The following HMGN5 variants were observed in gnomAD, a reference collection of about 807,000 sequenced individuals.
HMGN5 encodes the protein high mobility group nucleosome binding domain 5.
Under a neutral mutation model 9.5 loss-of-function variants are expected in HMGN5, and 4 were observed. The observed-to-expected ratio is 0.42, with a 90% confidence interval of 0.21 to 0.96. The LOEUF (loss-of-function observed/expected upper bound fraction) is 0.96. Ranked by LOEUF, HMGN5 falls within the 40% of genes least tolerant of loss-of-function variation. The pLI is 0.30. For synonymous variants in HMGN5, 55 were observed against 57.1 expected (o/e 0.96, Z 0.16); for missense variants, 192 against 187.5 (o/e 1.02, Z -0.14).
chrX:81,153,351 A>G (rs2075370533), intron 1 of HMGN5, among the ~76,000 whole-genome samples: 1 of 103,635 alleles, frequency 9.6e-6, no homozygotes, highest in East Asian at 3.2e-4. Context: ...CCAGAAGTTC[A>G]AGACCAGCCT....
Position 81,157,848 on chromosome X carries a change from C to T in HMGN5, c.-123-36176G>A, listed in dbSNP as rs900670914. ...AGGCTGGAGTGCAGTGGCGCAATCT[C>T]GGCTCACTGCAAGCTCTGCCTCCTG... On this transcript the variant is annotated intron_variant, in intron 1 of 6. Transcript: ENST00000358130. Among the ~76,000 whole-genome samples, 6 of 110,190 alleles carry T rather than the reference C, an allele frequency of 5.4e-5. No individual in the cohort carries two copies. In the East Asian group the frequency reaches 8.5e-4, roughly 16 times the overall value.
intron 1 of HMGN5, among the ~76,000 whole-genome samples, chrX:81,142,203 C>T (rs1486719899): frequency 9.0e-6 from 1 of 111,500 alleles, no homozygotes; most frequent in African/African-American, 3.3e-5. Context: ...AAAAGCACAT[C>T]CTCAGGATCT....
chrX:81,137,907 G>A (rs902425427), intron 1 of HMGN5, among the ~76,000 whole-genome samples: 3 of 111,226 alleles, frequency 2.7e-5, no homozygotes, highest in South Asian at 7.4e-4. Context: ...TAATAAGGGA[G>A]GAATATGAAT....
intron 1 of HMGN5, among the ~76,000 whole-genome samples, chrX:81,171,734 G>A (rs2075426300): frequency 9.0e-6 from 1 of 111,225 alleles, no homozygotes; most frequent in Non-Finnish European, 1.9e-5. Context: ...AGTGCTGCAT[G>A]GTTTAGCATC....
At chrX:81,147,003 T>A (rs983483561) in intron 1 of HMGN5, among the ~76,000 whole-genome samples, 1 of 111,433 alleles carries the variant, frequency 9.0e-6, no homozygotes, top group African/African-American at 3.3e-5. Flanking sequence ...GGGGCAGCAA[T>A]TCATAGCCTA....
intron 1 of HMGN5, among the ~76,000 whole-genome samples, chrX:81,162,507 A>G (rs1323049712): frequency 1.8e-5 from 2 of 110,790 alleles, no homozygotes; most frequent in East Asian, 5.7e-4. Context: ...AAAACAAGGA[A>G]CTGGCAATAT....
intron 1 of HMGN5, among the ~76,000 whole-genome samples, chrX:81,172,310 A>G (rs1051552398): frequency 9.0e-6 from 1 of 111,181 alleles, no homozygotes; most frequent in East Asian, 2.8e-4. Flanking sequence ...GAAAATTTTA[A>G]CCTAAGCTGG....
chrX:81,135,053 CT>C (rs1244494046), intron 1 of HMGN5, among the ~76,000 whole-genome samples: 2 of 111,285 alleles, frequency 1.8e-5, no homozygotes, highest in Middle Eastern at 4.7e-3. Context: ...GTCTTCATGA[CT>C]TTGAGTTAGC....
At chrX:81,129,643 T>C (rs1410123507) in intron 1 of HMGN5, among the ~76,000 whole-genome samples, 1 of 112,028 alleles carries the variant, frequency 8.9e-6, no homozygotes, top group Non-Finnish European at 1.9e-5. Context: ...TCTTTATAAA[T>C]TATATAGTTT....
chrX:81,184,566 T>TG (rs1295115221), intron 1 of HMGN5, among the ~76,000 whole-genome samples: 4 of 111,588 alleles, frequency 3.6e-5, no homozygotes, highest in African/African-American at 1.3e-4. Context: ...TGATTTTTTT[T>TG]TTTTGTTTTG....
intron 1 of HMGN5, among the ~76,000 whole-genome samples, chrX:81,163,571 A>T (rs2075403368): frequency 9.0e-6 from 1 of 111,427 alleles, no homozygotes; most frequent in Non-Finnish European, 1.9e-5. Flanking sequence ...GATATAGAAA[A>T]CTCACTACTG....
Position 81,177,823 on chromosome X carries a change from T to A in HMGN5, c.-124+23914A>T, listed in dbSNP as rs779230591. ...GACCACATAATTGGAAGAAAAACAC[T>A]CCTCAGCAAATGTAAAAGAACAGAA... On this transcript the variant is annotated intron_variant, in intron 1 of 6. Coordinates refer to ENST00000358130, the MANE Select transcript of HMGN5 (RefSeq NM_030763.3). Among the ~76,000 whole-genome samples the A allele has an allele frequency of 7.4e-4, 82 of 111,292 alleles. 1 individual carries two copies. In the Middle Eastern group the frequency reaches 0.023, roughly 31 times the overall value.
At chrX:81,173,182 C>T (rs953277866) in intron 1 of HMGN5, among the ~76,000 whole-genome samples, 3 of 110,497 alleles carry the variant, frequency 2.7e-5, no homozygotes, top group African/African-American at 9.8e-5. Context: ...GTACTACTCA[C>T]CTGTTTGAAA....
At chrX:81,183,887 G>T (rs1428179051) in intron 1 of HMGN5, among the ~76,000 whole-genome samples, 4 of 112,265 alleles carry the variant, frequency 3.6e-5, no homozygotes, top group Non-Finnish European at 5.6e-5. Flanking sequence ...TATTGCTGTT[G>T]TATCTTGGAA....
rs374386606 is a variant in HMGN5 at position 81,153,387 on chromosome X, C to T, written c.-123-31715G>A. On this transcript the variant is annotated intron_variant, in intron 1 of 6. Transcript: ENST00000358130. ...GGCCAACATGATGAAACCCTAATCT[C>T]GAATAAAAATACAAAAATTAGCTAG... Among the ~76,000 whole-genome samples, 4 of 101,243 alleles carry T rather than the reference C, an allele frequency of 4.0e-5. No individual in the cohort carries two copies. The East Asian group carries it at 9.7e-4, about 25-fold the overall frequency. 87.9% of individuals were successfully genotyped at this position (101,243 alleles called of 115,157 possible).
chrX:81,168,792 A>C (rs2075417917), intron 1 of HMGN5, among the ~76,000 whole-genome samples: 2 of 111,951 alleles, frequency 1.8e-5, no homozygotes, highest in South Asian at 7.4e-4. Context: ...TTTATTAACT[A>C]TAAATTAATT....
At chrX:81,195,361 C>T (rs1484598879) in intron 1 of HMGN5, 2 of 110,844 alleles carry the variant, frequency 1.8e-5, no homozygotes, top group East Asian at 2.9e-4. Flanking sequence ...TGTTCCTTTG[C>T]CTGCTTTTAT....
intron 1 of HMGN5, among the ~76,000 whole-genome samples, chrX:81,135,753 A>G (rs2075309472): frequency 1.8e-5 from 2 of 110,851 alleles, no homozygotes; most frequent in Admixed American, 1.9e-4. Context: ...ACAATATTCT[A>G]AAAATAATTG....
At chrX:81,143,184 C>T (rs1280962378) in intron 1 of HMGN5, among the ~76,000 whole-genome samples, 2 of 110,738 alleles carry the variant, frequency 1.8e-5, no homozygotes, top group Admixed American at 9.6e-5. Flanking sequence ...AGAAAATCAC[C>T]TTCACTAAAG....
Sources: allele counts gnomAD v4.1 joint callset (sites outside exome capture counted in the v4.1 genomes callset), GRCh38; gene constraint gnomAD v4.1.1; transcripts MANE v1.5; gene names NCBI Gene and HGNC (gene_info 2026-07-23, HGNC 2026-07-21).